GCN1: variants seen among roughly 807,000 people sequenced by gnomAD.
GCN1 encodes the protein stalled ribosome sensor GCN1.
In GCN1, 90 loss-of-function variants were observed where a neutral mutation model predicts 288.4. The ratio of observed to expected loss-of-function variants is 0.31; its 90% CI spans 0.26 to 0.37. The LOEUF is 0.37. Among genes scored for constraint, GCN1 ranks in the 10% least tolerant of loss-of-function variants. The probability of loss-of-function intolerance (pLI) is 1.00; values close to 1 mark genes in which losing one functional copy is unlikely to be tolerated. For synonymous variants in GCN1, 1,386 were observed against 1,420.2 expected, an observed-to-expected ratio of 0.98 and a Z score of 0.54; for missense variants, 2,586 against 3,419.9, an observed-to-expected ratio of 0.76 and a Z score of 6.08.
chr12:120,145,605 C>T (rs1042250958), intron 38 of GCN1, among the ~76,000 whole-genome samples: 4 of 152,224 alleles, frequency 2.6e-5, no homozygotes, highest in African/African-American at 9.6e-5. Flanking sequence ...CACCTCCCAC[C>T]CTTCTCTTAG....
rs902088296 is a variant in GCN1, at chr12:120,137,400, C to T, written c.6664-81G>A. On this transcript the variant is annotated intron_variant, in intron 49 of 57. Coordinates refer to ENST00000300648, the MANE Select transcript of GCN1 (RefSeq NM_006836.2). The surrounding 1 kb of genome is among the most constrained non-coding windows in gnomAD (Gnocchi z 5.2). ...AAAGAATATATGGGGAAAGCGTGGG[C>T]GGGAGTATAAACAAGACTTGCCACG... 24 of 1,413,460 alleles carry T rather than the reference C, an allele frequency of 1.7e-5. No homozygotes were observed. Among genetic ancestry groups the T allele is most frequent in the East Asian group, 6.9e-5 (3 of 43,674 alleles). The allele number at this position is 1,413,460 out of a possible 1,614,324, so 87.6% of individuals were successfully genotyped here.
Position 120,155,160 on chromosome 12 carries a change from G to T in GCN1, c.3630+81C>A. The T allele has an allele frequency of 6.5e-7, 1 of 1,532,964 alleles. No homozygotes were observed. The highest frequency in any genetic ancestry group is 9.0e-7 in the Non-Finnish European group (1 of 1,106,928). 95.0% of individuals were successfully genotyped at this position (1,532,964 alleles called of 1,614,324 possible). On this transcript the variant is annotated intron_variant, in intron 30 of 57. Transcript: ENST00000300648. This position sits in a 1 kb window ranked among gnomAD's most constrained non-coding sequence, Gnocchi z 4.9. Reference sequence around the variant, plus strand: ...AGCCACCGTGAGCCCCGAGATTCCTGTCTGGAGCAGTAGCGGGGTGAGCAG... The same window carrying T: ...AGCCACCGTGAGCCCCGAGATTCCTTTCTGGAGCAGTAGCGGGGTGAGCAG...
chr12:120,160,146 T>C lies in GCN1; in HGVS notation c.2546A>G (p.Gln849Arg). 1 of 1,610,764 alleles carries C rather than the reference T, an allele frequency of 6.2e-7. No homozygotes were observed. Among genetic ancestry groups the C allele is most frequent in the African/African-American group, 1.3e-5 (1 of 75,018 alleles). Reference protein sequence around the residue: ...DREAQVRRRLQELDGELEAAL... With the variant: ...DREAQVRRRLRELDGELEAAL... ...GTGGCGGAGGTGGCCACTCACCTCC[T>C]GCAGCCGCCTCCGGACCTGCGCCTC... is the stretch of plus-strand genomic sequence containing the variant. The change falls in exon 23 of 58, where the codon CAG (glutamine) becomes CGG (arginine). Residue 849 changes from glutamine to arginine, a missense_variant. Around this residue, in one of 8 missense-constraint regions of GCN1, gnomAD observed 913 missense variants for 1,107.0 expected, o/e 0.82. Transcript: ENST00000300648.
In GCN1 at chr12:120,158,746, CTGA is replaced by C. The variant is rs1555301237; in HGVS notation, c.2750-134_2750-132del. On this transcript the variant is annotated intron_variant, in intron 24 of 57. Coordinates refer to ENST00000300648, the MANE Select transcript of GCN1 (RefSeq NM_006836.2). The surrounding 1 kb of genome is among the most constrained non-coding windows in gnomAD (Gnocchi z 4.3). ...ATATTTCTGCGGCTGGGCGCGGTGGCTGATGCCTGTAATCCCAGCACTTTGGGA... is the reference window on the plus strand; with the variant it reads ...ATATTTCTGCGGCTGGGCGCGGTGGCTGCCTGTAATCCCAGCACTTTGGGA... 1.3e-5 allele frequency: 10 copies of C among 752,350 alleles called. No homozygotes were observed. The highest frequency in any genetic ancestry group is 2.1e-5 in the Non-Finnish European group (10 of 474,124). 46.6% of individuals were successfully genotyped at this position (752,350 alleles called of 1,614,324 possible).
chr12:120,166,967 A>C (rs1878150536), intron 16 of GCN1, among the ~76,000 whole-genome samples: 1 of 151,714 alleles, frequency 6.6e-6, no homozygotes, highest in African/African-American at 2.4e-5. Context: ...GTGAGCCATG[A>C]CTGTGTCACT....
chr12:120,150,253 GA>G (rs1018179025), intron 34 of GCN1, among the ~76,000 whole-genome samples: 24 of 152,148 alleles, frequency 1.6e-4, no homozygotes, highest in African/African-American at 5.6e-4. Flanking sequence ...GAGCGAAAGG[GA>G]GGACAGCACA....
intron 1 of GCN1, among the ~76,000 whole-genome samples, chr12:120,193,613 A>AT (rs1879078227): frequency 1.3e-5 from 2 of 152,100 alleles, no homozygotes; most frequent in Non-Finnish European, 2.9e-5. Flanking sequence ...CAAACAATGA[A>AT]TTTTTTTATT....
chr12:120,132,548 G>A (rs1876863849), intron 53 of GCN1, among the ~76,000 whole-genome samples: 1 of 152,096 alleles, frequency 6.6e-6, no homozygotes, highest in African/African-American at 2.4e-5. Context: ...GTGCCCCACT[G>A]CCACCGAAAT....
In GCN1 at chr12:120,157,924, G is replaced by T; in HGVS notation, c.3012C>A (p.Ala1004=). ...GGACAGTGAGGATCTGAAGAATCTG[G>T]GCCATCCACTCCTCCTCCTCCTCAC... is the stretch of plus-strand genomic sequence containing the variant. The part of the protein sequence containing the change: ...HHSEEEEEWM[A]QILQILTVQA... Residue 1004 remains alanine, a synonymous_variant, in exon 26 of 58, where the codon GCC becomes GCA. Transcript: ENST00000300648. 6.2e-7 allele frequency: 1 copy of T among 1,613,994 alleles called. No homozygotes were observed. The highest frequency in any genetic ancestry group is 8.5e-7 in the Non-Finnish European group (1 of 1,180,020).
In GCN1 at chr12:120,160,150, G is replaced by A. The variant is rs1387889089; in HGVS notation, c.2542C>T (p.Leu848=). 6.2e-7 allele frequency: 1 copy of A among 1,611,676 alleles called. No individual in the cohort carries two copies. Among genetic ancestry groups the A allele is most frequent in the East Asian group, 2.2e-5 (1 of 44,874 alleles). Residue 848 remains leucine, a synonymous_variant, in exon 23 of 58, where the codon CTG becomes TTG. Coordinates refer to ENST00000300648, the MANE Select transcript of GCN1 (RefSeq NM_006836.2). ...LDREAQVRRR[L]QELDGELEAA... is the part of the protein sequence containing the mutation. ...CGGAGGTGGCCACTCACCTCCTGCA[G>A]CCGCCTCCGGACCTGCGCCTCCCTG...
At chr12:120,173,991 T>C in intron 13 of GCN1, 80 bp downstream of exon 13, 2 of 1,058,008 alleles carry the variant, frequency 1.9e-6, no homozygotes, top group Non-Finnish European at 1.5e-6. Flanking sequence ...GAGAGGTTTA[T>C]GGAAGGAAAG....
At chr12:120,160,972 C>T (rs1017826167) in intron 22 of GCN1, among the ~76,000 whole-genome samples, 7 of 152,182 alleles carry the variant, frequency 4.6e-5, no homozygotes, top group African/African-American at 1.7e-4. Flanking sequence ...CTCTGAGAAG[C>T]ACACATGTGG....
Position 120,131,989 on chromosome 12 carries a change from C to G in GCN1, c.7351G>C (p.Gly2451Arg). The G allele has an allele frequency of 6.2e-7, 1 of 1,602,810 alleles. No homozygotes were observed. The highest frequency in any genetic ancestry group is 8.5e-7 in the Non-Finnish European group (1 of 1,173,878). ...TCAGTCAAAAAGGCACACAGTTCCC[C>G]TAGGCACCCGGCTGAGGAGATGCGA... Reference protein sequence around the residue: ...NTRISSAGCLGELCAFLTEEE... With the variant: ...NTRISSAGCLRELCAFLTEEE... Residue 2451 changes from glycine to arginine, a missense_variant, in exon 54 of 58, where the codon GGG becomes CGG. Around this residue, in one of 8 missense-constraint regions of GCN1, gnomAD observed 355 missense variants for 431.1 expected, o/e 0.82. Transcript: ENST00000300648.
chr12:120,145,347 G>A lies in GCN1; in HGVS notation c.4948-17C>T. The A allele has an allele frequency of 6.4e-7, 1 of 1,553,986 alleles. No individual in the cohort carries two copies. ...AGCCAAGTCCTGCAACAACACAGGAGGCGGCTCAGGTGAGGCCCGACTCCT... is the reference window on the plus strand; with the variant it reads ...AGCCAAGTCCTGCAACAACACAGGAAGCGGCTCAGGTGAGGCCCGACTCCT... On this transcript the variant is annotated splice_polypyrimidine_tract_variant and intron_variant, in intron 38 of 57. Transcript: ENST00000300648.
chr12:120,164,070 T>A (rs530482572), intron 18 of GCN1, among the ~76,000 whole-genome samples: 8 of 151,262 alleles, frequency 5.3e-5, no homozygotes, highest in African/African-American at 1.9e-4. Context: ...GAAGTAGAGG[T>A]TGCAGTGAGC....
chr12:120,184,330 C>T lies in GCN1; in HGVS notation c.186-87G>A. On this transcript the variant is annotated intron_variant, in intron 3 of 57. Coordinates refer to ENST00000300648, the MANE Select transcript of GCN1 (RefSeq NM_006836.2). ...CTGCTCAGGCCATACACTGGTCTTT[C>T]TCAGGAGAAACTGATCACACCATAT... is the stretch of plus-strand genomic sequence containing the variant. The T allele has an allele frequency of 4.2e-6, 5 of 1,178,246 alleles. No individual in the cohort carries two copies. The South Asian group carries it at 5.7e-5, about 13-fold the overall frequency. 73.0% of individuals were successfully genotyped at this position (1,178,246 alleles called of 1,614,324 possible). A position where few individuals can be genotyped will look rare whatever the true frequency, so the allele number is the denominator to read the frequency against.
intron 38 of GCN1, among the ~76,000 whole-genome samples, chr12:120,146,587 A>T (rs966002814): frequency 3.3e-5 from 5 of 151,582 alleles, no homozygotes; most frequent in African/African-American, 1.2e-4. Context: ...ACTTTTATAT[A>T]TTTTTTTTGC....
At chr12:120,171,385 T>C (rs1878309976) in intron 14 of GCN1, among the ~76,000 whole-genome samples, 1 of 152,010 alleles carries the variant, frequency 6.6e-6, no homozygotes, top group Non-Finnish European at 1.5e-5. Context: ...GAGAATCGCT[T>C]AAACCCAGGA....
chr12:120,191,440 G>C (rs926776755), intron 1 of GCN1, among the ~76,000 whole-genome samples: 7 of 152,234 alleles, frequency 4.6e-5, no homozygotes, highest in Admixed American at 2.0e-4. Flanking sequence ...CAAGTGGACA[G>C]GTTGTGGATT....
Sources: gnomAD v4.1 joint callset for allele counts (sites outside exome capture counted in the v4.1 genomes callset) on GRCh38, gnomAD v4.1.1 for gene constraint, gnomAD v4.1.1 regional missense constraint, Gnocchi (gnomAD v3.1) non-coding constraint, MANE v1.5 for transcripts, NCBI Gene and HGNC (gene_info 2026-07-23, HGNC 2026-07-21) for gene names.